Variants in PTPRN2 observed in about 807,000 individuals in gnomAD.
PTPRN2 encodes the protein protein tyrosine phosphatase receptor type N2, also known as receptor-type tyrosine-protein phosphatase N2.
PTPRN2 carries 74 observed loss-of-function variants against 118.8 expected under a neutral mutation model. The observed-to-expected ratio is 0.62, with a 90% CI of 0.52 to 0.76. PTPRN2 has a LOEUF of 0.76. Among genes scored for constraint, PTPRN2 ranks in the 30% least tolerant of loss-of-function variants. PTPRN2 has a pLI of 0.00. For synonymous variants in PTPRN2, 641 were observed against 608.0 expected, an observed-to-expected ratio of 1.05 and a Z score of -0.80; for missense variants, 1,481 against 1,394.4, an observed-to-expected ratio of 1.06 and a Z score of -0.99.
At chr7:158,147,391 C>G (rs933165483) in intron 6 of PTPRN2, among the ~76,000 whole-genome samples, 3 of 56,146 alleles carry the variant, frequency 5.3e-5, no homozygotes, top group Admixed American at 2.9e-4. Context: ...CATCTCACGC[C>G]ACGTGTCTTT....
intron 11 of PTPRN2, among the ~76,000 whole-genome samples, chr7:157,988,753 G>A (rs1014043287): frequency 3.3e-5 from 5 of 152,184 alleles, no homozygotes; most frequent in Non-Finnish European, 5.9e-5. Context: ...CAAGAAAGGG[G>A]TTGTTTCCTG....
At chr7:158,486,950 C>T (rs1473125826) in intron 2 of PTPRN2, among the ~76,000 whole-genome samples, 2 of 152,246 alleles carry the variant, frequency 1.3e-5, no homozygotes, top group Non-Finnish European at 2.9e-5. Flanking sequence ...TCCCCCAGCC[C>T]CTGGCCCCAT....
intron 11 of PTPRN2, among the ~76,000 whole-genome samples, chr7:158,045,004 G>A (rs1432540938): frequency 3.3e-5 from 5 of 152,120 alleles, no homozygotes; most frequent in African/African-American, 9.7e-5. Context: ...ACCACTGCTC[G>A]GTTATATTTT....
intron 6 of PTPRN2, among the ~76,000 whole-genome samples, chr7:158,153,149 G>A (rs560754598): frequency 3.9e-5 from 6 of 152,212 alleles, no homozygotes; most frequent in Admixed American, 6.5e-5. Context: ...TGTGGCCGGG[G>A]CAGTCTGAGG....
In PTPRN2 at chr7:158,007,886, GTGTA is replaced by G. The variant is rs560332485; in HGVS notation, c.1723+73408_1723+73411del. On this transcript the variant is annotated intron_variant, in intron 11 of 22. Coordinates refer to ENST00000389418, the MANE Select transcript of PTPRN2 (RefSeq NM_002847.5). Reference sequence around the variant, plus strand: ...TGTGGATGCATGCATGTGCACGTGTGTGTATGTATCTGGTTGTGTGCATTGCACG... The same window carrying G: ...TGTGGATGCATGCATGTGCACGTGTGTGTATCTGGTTGTGTGCATTGCACG... Among the ~76,000 whole-genome samples the G allele has an allele frequency of 1.4e-3, 206 of 150,956 alleles. 1 individual carries two copies. Among genetic ancestry groups the G allele is most frequent in the African/African-American group, 4.5e-3 (183 of 41,108 alleles).
At chr7:157,752,155 G>C (rs79786364) in intron 12 of PTPRN2, among the ~76,000 whole-genome samples, 6,282 of 152,312 alleles carry the variant, frequency 0.041, 149 homozygotes, top group South Asian at 0.092. Context: ...CCTGCCTGCT[G>C]TGTCTGCAGC....
At chr7:157,973,442 C>T (rs966017588) in intron 11 of PTPRN2, among the ~76,000 whole-genome samples, 1 of 152,200 alleles carries the variant, frequency 6.6e-6, no homozygotes, top group Admixed American at 6.5e-5. Flanking sequence ...CTTCTTATGT[C>T]ATTTTCCTGA....
intron 11 of PTPRN2, among the ~76,000 whole-genome samples, chr7:158,051,107 GGGGGGCATCTGCA>G (rs1809293477): frequency 6.6e-6 from 1 of 152,232 alleles, no homozygotes; most frequent in African/African-American, 2.4e-5. Context: ...CAGTGCCCAT[GGGGGGCATCTGCA>G]GGGGGCATCT....
chr7:158,391,167 C>A (rs2151378281), intron 2 of PTPRN2, among the ~76,000 whole-genome samples: 1 of 152,376 alleles, frequency 6.6e-6, no homozygotes, highest in African/African-American at 2.4e-5. Context: ...CCTAACCCAG[C>A]AGCTGCTGCT....
chr7:158,188,421 G>GT (rs35852039), intron 5 of PTPRN2, among the ~76,000 whole-genome samples: 11 of 11,760 alleles, frequency 9.4e-4, no homozygotes, highest in African/African-American at 1.6e-3. Context: ...CTCGCCCCCT[G>GT]ATGGGGAAGG....
intron 12 of PTPRN2, among the ~76,000 whole-genome samples, chr7:157,742,563 G>A (rs1373126246): frequency 6.6e-6 from 1 of 151,840 alleles, no homozygotes; most frequent in Non-Finnish European, 1.5e-5. Context: ...TGGCAGGGCA[G>A]CATTTTGGAG....
chr7:158,243,359 C>T (rs1277806713), intron 3 of PTPRN2, among the ~76,000 whole-genome samples: 2 of 152,224 alleles, frequency 1.3e-5, no homozygotes, highest in African/African-American at 4.8e-5. Context: ...CACCTTGTTT[C>T]TCTTGCCCAA....
At chr7:157,759,486 T>A (rs1057439422) in intron 12 of PTPRN2, among the ~76,000 whole-genome samples, 1 of 152,228 alleles carries the variant, frequency 6.6e-6, no homozygotes, top group Non-Finnish European at 1.5e-5. Context: ...TGTCAGCTCC[T>A]TGTAAGCCCA....
intron 11 of PTPRN2, among the ~76,000 whole-genome samples, chr7:157,985,701 T>C (rs1283475034): frequency 6.6e-6 from 1 of 152,244 alleles, no homozygotes; most frequent in East Asian, 1.9e-4. Flanking sequence ...TCTGTGTAGA[T>C]ACAGCAAGTG....
At chr7:158,034,797 CTTGGG>C (rs1807982261) in intron 11 of PTPRN2, among the ~76,000 whole-genome samples, 1 of 152,194 alleles carries the variant, frequency 6.6e-6, no homozygotes, top group East Asian at 1.9e-4. Flanking sequence ...GCCTGGGCCA[CTTGGG>C]GTGTAAGAGC....
intron 12 of PTPRN2, among the ~76,000 whole-genome samples, chr7:157,692,709 C>T (rs1302206083): frequency 3.3e-5 from 5 of 152,076 alleles, no homozygotes; most frequent in Non-Finnish European, 7.4e-5. Flanking sequence ...GGCGGGGGCG[C>T]GAGAGGCGAG....
intron 3 of PTPRN2, among the ~76,000 whole-genome samples, chr7:158,238,666 G>A (rs1028993192): frequency 3.9e-4 from 60 of 152,150 alleles, no homozygotes; most frequent in African/African-American, 1.4e-3. Context: ...AGGAAGCACG[G>A]GTCGCAGCTC....
chr7:158,297,785 C>A (rs1411101341), intron 3 of PTPRN2, among the ~76,000 whole-genome samples: 1 of 152,230 alleles, frequency 6.6e-6, no homozygotes, highest in Non-Finnish European at 1.5e-5. Flanking sequence ...TGTTCCCTCA[C>A]CTCTCCACAT....
intron 1 of PTPRN2, among the ~76,000 whole-genome samples, chr7:158,510,225 A>G (rs1823071627): frequency 1.3e-5 from 2 of 152,216 alleles, no homozygotes; most frequent in African/African-American, 4.8e-5. Flanking sequence ...CAATGTTACA[A>G]CTTGGCATCC....
Sources: gnomAD v4.1 joint callset for allele counts (sites outside exome capture counted in the v4.1 genomes callset) on GRCh38, gnomAD v4.1.1 for gene constraint, MANE v1.5 for transcripts, NCBI Gene and HGNC (gene_info 2026-07-23, HGNC 2026-07-21) for gene names.